Variants in CCND3 observed in about 807,000 individuals in gnomAD.
CCND3 encodes the protein G1/S-specific cyclin-D3.
Under a neutral mutation model 28.7 loss-of-function variants are expected in CCND3, and 9 were observed. The ratio of observed to expected loss-of-function variants is 0.31; its 90% confidence interval spans 0.19 to 0.55. The LOEUF (loss-of-function observed/expected upper bound fraction) is 0.55, where lower values mean the gene tolerates loss of function less well. Among genes scored for constraint, CCND3 ranks in the 20% least tolerant of loss-of-function variants. The pLI is 0.93. For synonymous variants in CCND3, 164 were observed against 163.9 expected (o/e 1.00, Z 0.00); for missense variants, 315 against 385.8 (o/e 0.82, Z 1.54).
At chr6:42,039,375 T>C (rs1324210237) in intron 1 of CCND3, among the ~76,000 whole-genome samples, 1 of 152,208 alleles carries the variant, frequency 6.6e-6, no homozygotes, top group Non-Finnish European at 1.5e-5. Flanking sequence ...ACTAGGTGAC[T>C]GAGCCCAGGA....
chr6:41,947,083 T>G (rs1194710177), intron 1 of CCND3, among the ~76,000 whole-genome samples: 1 of 151,250 alleles, frequency 6.6e-6, no homozygotes, highest in Admixed American at 6.6e-5. Flanking sequence ...TAGCTGGGCA[T>G]GGTGGCGCAT....
At chr6:42,039,918 C>T (rs944923162) in intron 1 of CCND3, among the ~76,000 whole-genome samples, 8 of 152,184 alleles carry the variant, frequency 5.3e-5, no homozygotes, top group African/African-American at 1.9e-4. Flanking sequence ...TGGGCTTGCC[C>T]GGGGGGATTC....
intron 1 of CCND3, among the ~76,000 whole-genome samples, chr6:41,954,327 C>A (rs572685500): frequency 7.6e-6 from 1 of 132,186 alleles, no homozygotes. Context: ...CTGAGGCAGG[C>A]GAATCACGAG....
chr6:41,991,031 T>C (rs1333516120), intron 1 of CCND3, among the ~76,000 whole-genome samples: 1 of 151,254 alleles, frequency 6.6e-6, no homozygotes, highest in Non-Finnish European at 1.5e-5. Flanking sequence ...GGGGAAAGGA[T>C]AGTCTCTTCA....
At chr6:41,946,051 C>A (rs535257309), upstream of CCND3, among the ~76,000 whole-genome samples, 27 of 152,218 alleles carry the variant, frequency 1.8e-4, no homozygotes, top group African/African-American at 6.3e-4. Context: ...CATGGTCTAG[C>A]GTATGGAGAG....
intron 1 of CCND3, among the ~76,000 whole-genome samples, chr6:42,020,014 C>T (rs1763651892): frequency 6.6e-6 from 1 of 152,144 alleles, no homozygotes; most frequent in African/African-American, 2.4e-5. Context: ...AGCGGTGGCT[C>T]ACGCCTGTAA....
intron 1 of CCND3, among the ~76,000 whole-genome samples, chr6:42,039,333 G>A (rs557877825): frequency 6.6e-6 from 1 of 152,294 alleles, no homozygotes; most frequent in East Asian, 1.9e-4. Flanking sequence ...TGGTTCCAAG[G>A]CCTCTGAGAC....
At chr6:42,045,067 G>C (rs920879685) in intron 1 of CCND3, among the ~76,000 whole-genome samples, 1 of 150,998 alleles carries the variant, frequency 6.6e-6, no homozygotes, top group African/African-American at 2.4e-5. Context: ...GCCTCCCAAA[G>C]TGCTGGGATT....
In CCND3 at chr6:41,935,429, C is replaced by G. The variant is rs1775739258; in HGVS notation, c.*511G>C. ...GGCCCCTCCCTCTAGGAGCAGCTGT[C>G]AGCACGGACTACATAGGGGCCTCCA... On this transcript the variant is annotated 3_prime_UTR_variant, in exon 5 of 5. Coordinates refer to ENST00000372991, the MANE Select transcript of CCND3 (RefSeq NM_001760.5). 4.0e-6 allele frequency: 1 copy of G among 247,098 alleles called. No individual in the cohort carries two copies. The highest frequency in any genetic ancestry group is 5.5e-5 in the Admixed American group (1 of 18,244). The allele number at this position is 247,098 out of a possible 1,614,324, so 15.3% of individuals were successfully genotyped here. A position where few individuals can be genotyped will look rare whatever the true frequency, so the allele number is the denominator to read the frequency against.
intron 1 of CCND3, among the ~76,000 whole-genome samples, chr6:41,969,590 G>A (rs1294844400): frequency 3.3e-5 from 5 of 152,196 alleles, no homozygotes; most frequent in East Asian, 1.9e-4. Flanking sequence ...ACAAAAATTA[G>A]CTGGGCGTGG....
chr6:41,944,028 A>G (rs994331446), upstream of CCND3, among the ~76,000 whole-genome samples: 1 of 152,138 alleles, frequency 6.6e-6, no homozygotes, highest in African/African-American at 2.4e-5. Flanking sequence ...GTATTTTTAA[A>G]ACTTCTCATT....
At chr6:42,000,233 A>ATT (rs1561980601) in intron 1 of CCND3, among the ~76,000 whole-genome samples, 1 of 31,226 alleles carries the variant, frequency 3.2e-5, no homozygotes, top group Non-Finnish European at 6.0e-5. Flanking sequence ...TTGAAAACAT[A>ATT]CTTTTTTTTT....
intron 1 of CCND3, among the ~76,000 whole-genome samples, chr6:42,041,098 G>A (rs1349942946): frequency 6.6e-6 from 1 of 152,124 alleles, no homozygotes; most frequent in African/African-American, 2.4e-5. Flanking sequence ...AGGATTCAGA[G>A]AAAAGCCACA....
intron 2 of CCND3, 61 bp from the exon 3 acceptor site, chr6:41,937,455 C>T: frequency 1.3e-6 from 2 of 1,590,984 alleles, no homozygotes; most frequent in Non-Finnish European, 1.7e-6. Context: ...GGGAGCAAAG[C>T]AGAAGTCTCA....
intron 1 of CCND3, among the ~76,000 whole-genome samples, chr6:41,997,044 G>A (rs1190192625): frequency 6.6e-6 from 1 of 152,104 alleles, no homozygotes; most frequent in Non-Finnish European, 1.5e-5. Context: ...AAATGTCCCT[G>A]CCACATCCCT....
At chr6:41,942,723 C>T (rs1293415180), upstream of CCND3, among the ~76,000 whole-genome samples, 1 of 152,060 alleles carries the variant, frequency 6.6e-6, no homozygotes, top group African/African-American at 2.4e-5. Context: ...GTAGTTTTAC[C>T]GGAAGCTAGA....
rs1264845681 is a variant in CCND3 at position 41,935,380 on chromosome 6, T to C, written c.*560A>G. On this transcript the variant is annotated 3_prime_UTR_variant, in exon 5 of 5. Transcript: ENST00000372991. ...GCAGAAAGCAAAGCAAAGAGGAATTTATAGCTTCTCTGGCTGAGGCCTAGG... is the reference window on the plus strand; with the variant it reads ...GCAGAAAGCAAAGCAAAGAGGAATTCATAGCTTCTCTGGCTGAGGCCTAGG... 3 of 238,880 alleles carry C rather than the reference T, an allele frequency of 1.3e-5. No individual in the cohort carries two copies. Among genetic ancestry groups the C allele is most frequent in the African/African-American group, 4.4e-5 (2 of 45,576 alleles). The allele number at this position is 238,880 out of a possible 1,614,324, so 14.8% of individuals were successfully genotyped here.
chr6:41,936,271 G>T lies in CCND3; in HGVS notation c.712-164C>A. 1 of 773,940 alleles carries T rather than the reference G, an allele frequency of 1.3e-6. No homozygotes were observed. The highest frequency in any genetic ancestry group is 2.0e-6 in the Non-Finnish European group (1 of 496,798). 47.9% of individuals were successfully genotyped at this position (773,940 alleles called of 1,614,324 possible). On this transcript the variant is annotated intron_variant, in intron 4 of 4. Transcript: ENST00000372991. The surrounding 1 kb of genome is among the most constrained non-coding windows in gnomAD (Gnocchi z 4.4). Reference sequence around the variant, plus strand: ...AGTTCTCAGAAACTAGCAAGAGGATGTGGCAAGGGAGTGTGAGAGCAGCCC... The same window carrying T: ...AGTTCTCAGAAACTAGCAAGAGGATTTGGCAAGGGAGTGTGAGAGCAGCCC...
chr6:41,993,042 G>A (rs1233032338), intron 1 of CCND3, among the ~76,000 whole-genome samples: 1 of 152,084 alleles, frequency 6.6e-6, no homozygotes, highest in African/African-American at 2.4e-5. Context: ...TAAGTAACAA[G>A]ACTATAGGCA....
Sources: allele counts gnomAD v4.1 joint callset (sites outside exome capture counted in the v4.1 genomes callset), GRCh38; gene constraint gnomAD v4.1.1; non-coding constraint Gnocchi (gnomAD v3.1); transcripts MANE v1.5; gene names NCBI Gene and HGNC (gene_info 2026-07-23, HGNC 2026-07-21).